FRYL: variants seen among roughly 807,000 people sequenced by gnomAD.
The protein encoded by FRYL is protein furry homolog-like.
Under a neutral mutation model 351.2 loss-of-function variants are expected in FRYL, and 150 were observed. The observed-to-expected ratio is 0.43, with a 90% CI of 0.37 to 0.49. The LOEUF (loss-of-function observed/expected upper bound fraction) is 0.49. Ranked by LOEUF, FRYL falls within the 20% of genes least tolerant of loss-of-function variation. The pLI, the probability that FRYL is intolerant of heterozygous loss-of-function variation, is 0.00. For synonymous variants in FRYL, 1,153 were observed against 1,257.1 expected, an observed-to-expected ratio of 0.92 and a Z score of 1.75; for missense variants, 3,036 against 3,619.3, an observed-to-expected ratio of 0.84 and a Z score of 4.13.
At chr4:48,652,154 T>C (rs1045402936) in intron 3 of FRYL, among the ~76,000 whole-genome samples, 31 of 152,220 alleles carry the variant, frequency 2.0e-4, no homozygotes, top group African/African-American at 7.0e-4. Context: ...GGCAACGACA[T>C]GCAGAAATAT....
intron 9 of FRYL, among the ~76,000 whole-genome samples, chr4:48,608,198 T>G (rs1446447369): frequency 1.3e-5 from 2 of 152,182 alleles, no homozygotes; most frequent in Middle Eastern, 3.2e-3. Context: ...ATTTTAAAAA[T>G]ATGCTAAATA....
At chr4:48,563,153 G>T (rs987270961) in intron 31 of FRYL, among the ~76,000 whole-genome samples, 165 bp from the exon 32 acceptor site, 1 of 151,984 alleles carries the variant, frequency 6.6e-6, no homozygotes, top group Non-Finnish European at 1.5e-5. Flanking sequence ...GATGCATGGT[G>T]ATAATTGTCC....
chr4:48,581,406 T>TA lies in FRYL; in HGVS notation c.2172+13dup, dbSNP rs762323113. On this transcript the variant is annotated intron_variant, in intron 21 of 63. Transcript: ENST00000358350. ...ACTTTCAATAGATAACTGAATGAAA[T>TA]ACCTAAATCTTACCTTAGGTATTTC... 47 of 1,593,556 alleles carry TA rather than the reference T, an allele frequency of 2.9e-5. 1 individual carries two copies. In the South Asian group the frequency reaches 5.1e-4, roughly 17 times the overall value.
chr4:48,718,228 CA>C (rs1187590408), intron 1 of FRYL, among the ~76,000 whole-genome samples: 1 of 151,430 alleles, frequency 6.6e-6, no homozygotes. Context: ...CATATTACAT[CA>C]AAAATGAGTG....
intron 12 of FRYL, 146 bp downstream of exon 12, chr4:48,603,144 T>C (rs1267565557): frequency 1.5e-6 from 1 of 647,888 alleles, no homozygotes; most frequent in Non-Finnish European, 2.8e-6. Flanking sequence ...ACGCAAAACA[T>C]ACGTATGTAA....
At chr4:48,758,636 C>G (rs551766584) in intron 1 of FRYL, among the ~76,000 whole-genome samples, 4 of 152,280 alleles carry the variant, frequency 2.6e-5, no homozygotes, top group East Asian at 3.9e-4. Context: ...GTTGGTGGGA[C>G]TGTAAACTAG....
intron 45 of FRYL, 140 bp downstream of exon 45, chr4:48,541,887 G>A (rs1047145179): frequency 1.3e-5 from 8 of 618,346 alleles, no homozygotes; most frequent in Admixed American, 2.8e-5. Flanking sequence ...CACTGTCTGC[G>A]GCCCATCTCC....
At chr4:48,728,403 G>C (rs1445084998) in intron 1 of FRYL, among the ~76,000 whole-genome samples, 1 of 151,956 alleles carries the variant, frequency 6.6e-6, no homozygotes, top group Non-Finnish European at 1.5e-5. Flanking sequence ...ATTACAAAGA[G>C]TGTAACATGT....
intron 1 of FRYL, among the ~76,000 whole-genome samples, chr4:48,768,216 AAGT>A (rs1775156751): frequency 6.6e-6 from 1 of 152,192 alleles, no homozygotes; most frequent in South Asian, 2.1e-4. Flanking sequence ...GTGCCCAACT[AAGT>A]AGATTTACAG....
At chr4:48,529,639 T>C (rs1348398813) in intron 50 of FRYL, among the ~76,000 whole-genome samples, 2 of 152,326 alleles carry the variant, frequency 1.3e-5, no homozygotes, top group East Asian at 3.9e-4. Context: ...ATAAAACATT[T>C]TTTATCTATA....
chr4:48,627,336 A>G (rs557999060), intron 4 of FRYL, among the ~76,000 whole-genome samples: 2 of 152,254 alleles, frequency 1.3e-5, no homozygotes, highest in East Asian at 3.9e-4. Flanking sequence ...GAGCTTTAAC[A>G]TTTTGAGGAC....
Position 48,549,638 on chromosome 4 carries a change from T to A in FRYL, c.4634-15A>T. 6.2e-7 allele frequency: 1 copy of A among 1,602,050 alleles called. No homozygotes were observed. The highest frequency in any genetic ancestry group is 8.5e-7 in the Non-Finnish European group (1 of 1,172,560). On this transcript the variant is annotated splice_polypyrimidine_tract_variant and intron_variant, in intron 38 of 63. Coordinates refer to ENST00000358350, the MANE Select transcript of FRYL (RefSeq NM_015030.2). This position sits in a 1 kb window ranked among gnomAD's most constrained non-coding sequence, Gnocchi z 4.2. ...CATTGAATCACCTATCAAGATAAAA[T>A]GATCTCATTTTCTACACCATCTAAT... is the stretch of plus-strand genomic sequence containing the variant.
intron 3 of FRYL, among the ~76,000 whole-genome samples, chr4:48,654,684 C>T (rs553305686): frequency 6.6e-6 from 1 of 152,156 alleles, no homozygotes. Flanking sequence ...ATAATTCCCA[C>T]GAAAATCTTA....
intron 62 of FRYL, 95 bp downstream of exon 62, chr4:48,501,528 T>G (rs746107710): frequency 4.1e-6 from 3 of 737,394 alleles, no homozygotes; most frequent in Non-Finnish European, 7.1e-6. Flanking sequence ...TCACTCTAAG[T>G]GACTTTTGAC....
intron 55 of FRYL, among the ~76,000 whole-genome samples, chr4:48,516,289 C>A (rs760507836): frequency 1.3e-5 from 2 of 152,030 alleles, no homozygotes; most frequent in African/African-American, 4.8e-5. Context: ...TTCTATCCAC[C>A]GTAATGTTAC....
Position 48,535,704 on chromosome 4 carries a change from C to A in FRYL, c.6517G>T (p.Asp2173Tyr), listed in dbSNP as rs752147009. 1.4e-5 allele frequency: 23 copies of A among 1,605,780 alleles called. No individual in the cohort carries two copies. The highest frequency in any genetic ancestry group is 1.5e-5 in the Non-Finnish European group (18 of 1,176,144). ...TTAAATGTTGTATCTGAGAAGGAGTCATGCAGGTATCTGCACACGACATTG... is the reference window on the plus strand; with the variant it reads ...TTAAATGTTGTATCTGAGAAGGAGTAATGCAGGTATCTGCACACGACATTG... ...WINVVCRYLH[D>Y]SFSDTTFNLV... The change falls in exon 48 of 64, where the codon GAC (aspartate) becomes TAC (tyrosine). Residue 2173 changes from aspartate to tyrosine, a missense_variant. Around this residue, in one of 7 missense-constraint regions of FRYL, gnomAD observed 1,987 missense variants for 2,311.7 expected, o/e 0.86. Transcript: ENST00000358350.
intron 3 of FRYL, among the ~76,000 whole-genome samples, chr4:48,646,860 T>C (rs1756582920): frequency 6.6e-6 from 1 of 152,084 alleles, no homozygotes; most frequent in Non-Finnish European, 1.5e-5. Flanking sequence ...ACCTAGAGAA[T>C]ATGATAACAG....
rs770021669 is a variant in FRYL at position 48,553,254 on chromosome 4, G to C, written c.4396C>G (p.Arg1466Gly). ...GGGATTTTATAGCTGGAAGTGATGCGATAATACGGGGGATTATCCATGTGA... is the reference window on the plus strand; with the variant it reads ...GGGATTTTATAGCTGGAAGTGATGCCATAATACGGGGGATTATCCATGTGA... ...VTHMDNPPYY[R>G]ITSSYKIPSV... Residue 1466 changes from arginine (R) to glycine (G), a missense_variant, in exon 36 of 64, where the codon CGC (arginine) becomes GGC (glycine). By Grantham distance (125) the Arg-to-Gly change is moderately radical. Around this residue, in one of 7 missense-constraint regions of FRYL, gnomAD observed 1,987 missense variants for 2,311.7 expected, o/e 0.86. Coordinates refer to ENST00000358350, the MANE Select transcript of FRYL (RefSeq NM_015030.2). The C allele has an allele frequency of 6.2e-7, 1 of 1,613,392 alleles. No individual in the cohort carries two copies. The highest frequency in any genetic ancestry group is 8.5e-7 in the Non-Finnish European group (1 of 1,179,764).
At chr4:48,518,648 C>A (rs1025021897) in intron 55 of FRYL, among the ~76,000 whole-genome samples, 2 of 152,198 alleles carry the variant, frequency 1.3e-5, no homozygotes, top group African/African-American at 4.8e-5. Context: ...GCCTTACTGG[C>A]CAGTTTTCTG....
Sources: allele counts gnomAD v4.1 joint callset (sites outside exome capture counted in the v4.1 genomes callset), GRCh38; gene constraint gnomAD v4.1.1; regional missense constraint gnomAD v4.1.1; non-coding constraint Gnocchi (gnomAD v3.1); transcripts MANE v1.5; gene names NCBI Gene and HGNC (gene_info 2026-07-23, HGNC 2026-07-21).